Variants in DSTYK observed in about 807,000 individuals in gnomAD.
The protein encoded by DSTYK is dual serine/threonine and tyrosine protein kinase, also known as RIP-homologous kinase.
DSTYK carries 34 observed loss-of-function variants against 98.7 expected under a neutral mutation model. That is an observed-to-expected ratio of 0.34 (90% CI 0.26 to 0.46). DSTYK has a LOEUF of 0.46. Among genes scored for constraint, DSTYK ranks in the 20% least tolerant of loss-of-function variants. The pLI, the probability that DSTYK is intolerant of heterozygous loss-of-function variation, is 1.00. For synonymous variants in DSTYK, 462 were observed against 457.3 expected, an observed-to-expected ratio of 1.01 and a Z score of -0.13; for missense variants, 962 against 1,181.7, an observed-to-expected ratio of 0.81 and a Z score of 2.73.
chr1:205,209,893 CTAT>C lies in DSTYK; in HGVS notation c.265+1375_265+1377del, dbSNP rs372431377. Among the ~76,000 whole-genome samples, 242 of 150,108 alleles carry C rather than the reference CTAT, an allele frequency of 1.6e-3. 1 individual carries two copies. The highest frequency in any genetic ancestry group is 4.4e-3 in the African/African-American group (181 of 40,802). ...CCTTCCCCAGTGTCTTTTATTATTACTATTATTATTATTATTATTATTATTGAG... is the reference window on the plus strand; with the variant it reads ...CCTTCCCCAGTGTCTTTTATTATTACTATTATTATTATTATTATTATTGAG... On this transcript the variant is annotated intron_variant, in intron 1 of 12. Coordinates refer to ENST00000367162, the MANE Select transcript of DSTYK (RefSeq NM_015375.3).
At chr1:205,155,346 T>C (rs1657526737) in intron 10 of DSTYK, among the ~76,000 whole-genome samples, 1 of 151,960 alleles carries the variant, frequency 6.6e-6, no homozygotes, top group South Asian at 2.1e-4. Context: ...TTTGAAAAAT[T>C]TGCAGCCTGA....
At chr1:205,148,101 C>A in intron 12 of DSTYK, 104 bp downstream of exon 12, 1 of 1,407,316 alleles carries the variant, frequency 7.1e-7, no homozygotes, top group Non-Finnish European at 9.8e-7. Context: ...TACGGCCCTG[C>A]TATGGAGTGG....
At chr1:205,160,805 C>CA (rs1007159803) in intron 7 of DSTYK, among the ~76,000 whole-genome samples, 5 of 150,558 alleles carry the variant, frequency 3.3e-5, no homozygotes, top group African/African-American at 1.2e-4. Flanking sequence ...TTTTTGGAGA[C>CA]AGAGTCTTGC....
intron 2 of DSTYK, among the ~76,000 whole-genome samples, chr1:205,179,234 C>A (rs1248716998): frequency 6.6e-6 from 1 of 152,044 alleles, no homozygotes; most frequent in East Asian, 1.9e-4. Flanking sequence ...CATGTAGCTA[C>A]AAAGACAATG....
At chr1:205,153,577 A>G (rs1657463104) in intron 10 of DSTYK, among the ~76,000 whole-genome samples, 1 of 152,258 alleles carries the variant, frequency 6.6e-6, no homozygotes, top group Admixed American at 6.5e-5. Context: ...TATAGATTAC[A>G]TATTAAATAA....
chr1:205,192,764 A>T (rs1026890222), intron 1 of DSTYK, among the ~76,000 whole-genome samples: 3 of 152,140 alleles, frequency 2.0e-5, no homozygotes, highest in Non-Finnish European at 4.4e-5. Context: ...CGGGAGGCTG[A>T]GGCAGGAGAA....
At chr1:205,163,211 ATTTTTTTATTTT>A (rs1446306590) in intron 4 of DSTYK, among the ~76,000 whole-genome samples, 2 of 106,070 alleles carry the variant, frequency 1.9e-5, no homozygotes, top group Admixed American at 1.0e-4. Context: ...TCATCAACTT[ATTTTTTTATTTT>A]TTTTTTTATT....
At position 205,160,263 on chromosome 1, in the gene DSTYK, A is replaced by C; in HGVS notation, c.1956T>G (p.Pro652=). ...SLQDVLLHRK[P]KLGQELGRGQ... Reference sequence around the variant, plus strand: ...CCCGGCCCAGTTCCTGTCCCAGTTTAGGTTTACCTATAAGGTACAGAGACA... The same window carrying C: ...CCCGGCCCAGTTCCTGTCCCAGTTTCGGTTTACCTATAAGGTACAGAGACA... The change falls in exon 8 of 13, where the codon CCT becomes CCG. Residue 652 remains proline (P), a synonymous_variant. Transcript: ENST00000367162. 1.2e-6 allele frequency: 2 copies of C among 1,613,860 alleles called. No homozygotes were observed. Among genetic ancestry groups the C allele is most frequent in the Non-Finnish European group, 8.5e-7 (1 of 1,179,954 alleles).
Position 205,169,597 on chromosome 1 carries a change from T to A in DSTYK, c.890A>T (p.Glu297Val). 1.2e-6 allele frequency: 2 copies of A among 1,614,194 alleles called. No homozygotes were observed. The highest frequency in any genetic ancestry group is 1.7e-6 in the Non-Finnish European group (2 of 1,180,016). ...GCGATAAAGCGGTGATCTTTCGCTC[T>A]CCATTCTCCTGGTTGAGGAGTCTAT... ...EIIDSSTRRM[E>V]SERSPLYRQL... Residue 297 changes from glutamate to valine, a missense_variant, in exon 3 of 13, where the codon GAG (glutamate) becomes GTG (valine). Glu to Val is a moderately radical substitution (Grantham distance 121). Around this residue, in one of 4 missense-constraint regions of DSTYK, gnomAD observed 660 missense variants for 855.0 expected, o/e 0.77. Transcript: ENST00000367162. The surrounding 1 kb of genome is among the most constrained non-coding windows in gnomAD (Gnocchi z 4.0).
rs1480477843 is a variant in DSTYK at position 205,142,999 on chromosome 1, C to G, written c.*4559G>C. 1.3e-5 allele frequency: 2 copies of G among 152,086 alleles called. No homozygotes were observed. Among genetic ancestry groups the G allele is most frequent in the African/African-American group, 4.8e-5 (2 of 41,414 alleles). The allele number at this position is 152,086 out of a possible 1,614,324, so 9.4% of individuals were successfully genotyped here. On this transcript the variant is annotated 3_prime_UTR_variant, in exon 13 of 13. Transcript: ENST00000367162. ...AAAACAGATGAAGTTAAAAATGAAACCCTTTTAGGAACAGTAGTGCTACTG... is the reference window on the plus strand; with the variant it reads ...AAAACAGATGAAGTTAAAAATGAAAGCCTTTTAGGAACAGTAGTGCTACTG...
At position 205,161,423 on chromosome 1, in the gene DSTYK, G is replaced by A. The variant is rs181306135; in HGVS notation, c.1819-36C>T. ...AACAGAAAAAGTACATATGACTTAA[G>A]TCCCTAGCTTCAGCTTCCTCACCTG... On this transcript the variant is annotated intron_variant, in intron 6 of 12. Transcript: ENST00000367162. 502 of 1,610,018 alleles carry A rather than the reference G, an allele frequency of 3.1e-4. 7 individuals carry two copies. In the African/African-American group the frequency reaches 6.4e-3, roughly 21 times the overall value.
rs1362883177 is a variant in DSTYK, at chr1:205,146,527, C to T, written c.*1031G>A. The T allele has an allele frequency of 1.3e-5, 2 of 151,764 alleles. No individual in the cohort carries two copies. Among genetic ancestry groups the T allele is most frequent in the South Asian group, 2.1e-4 (1 of 4,804 alleles). 9.4% of individuals were successfully genotyped at this position (151,764 alleles called of 1,614,324 possible). ...GTCTATATAGATAGAGATATAGACA[C>T]ACACACATATATACATATACACACA... On this transcript the variant is annotated 3_prime_UTR_variant, in exon 13 of 13. Coordinates refer to ENST00000367162, the MANE Select transcript of DSTYK (RefSeq NM_015375.3).
chr1:205,189,826 C>A (rs1658659257), intron 1 of DSTYK, among the ~76,000 whole-genome samples: 1 of 152,232 alleles, frequency 6.6e-6, no homozygotes, highest in Non-Finnish European at 1.5e-5. Flanking sequence ...AGCAAATCTA[C>A]TCTCCTTGGA....
chr1:205,200,709 T>C (rs1469288106), intron 1 of DSTYK, among the ~76,000 whole-genome samples: 1 of 152,076 alleles, frequency 6.6e-6, no homozygotes, highest in Admixed American at 6.6e-5. Context: ...TAGTACAGAG[T>C]CAGGCATTAA....
chr1:205,163,232 T>A (rs12732921), intron 4 of DSTYK, among the ~76,000 whole-genome samples: 1 of 148,712 alleles, frequency 6.7e-6, no homozygotes. Flanking sequence ...TTTTTTTTTA[T>A]TTTTTAGACA....
chr1:205,150,792 C>T lies in DSTYK; in HGVS notation c.2355G>A (p.Leu785=), dbSNP rs754237416. 6.2e-7 allele frequency: 1 copy of T among 1,613,676 alleles called. No individual in the cohort carries two copies. The highest frequency in any genetic ancestry group is 1.1e-5 in the South Asian group (1 of 91,068). The change falls in exon 11 of 13, where the codon CTG becomes CTA. Residue 785 remains leucine (L), a splice_region_variant and synonymous_variant. Coordinates refer to ENST00000367162, the MANE Select transcript of DSTYK (RefSeq NM_015375.3). The surrounding 1 kb of genome is among the most constrained non-coding windows in gnomAD (Gnocchi z 4.1). ...TGATCTTGGCACGGTTCTGCTTATCCAGCTGCCAACAAAGCAGGGCAAGAG... is the reference window on the plus strand; with the variant it reads ...TGATCTTGGCACGGTTCTGCTTATCTAGCTGCCAACAAAGCAGGGCAAGAG... ...HRDIKLKNVL[L]DKQNRAKITD...
At chr1:205,175,762 G>A (rs570839545) in intron 2 of DSTYK, among the ~76,000 whole-genome samples, 1 of 152,320 alleles carries the variant, frequency 6.6e-6, no homozygotes, top group Admixed American at 6.5e-5. Flanking sequence ...AGGGAAGTCT[G>A]ACCTCAGACT....
rs370244638 is a variant in DSTYK, at chr1:205,169,630, G to A, written c.857C>T (p.Ser286Leu). The A allele has an allele frequency of 8.7e-6, 14 of 1,614,036 alleles. No individual in the cohort carries two copies. The highest frequency in any genetic ancestry group is 6.7e-5 in the Admixed American group (4 of 60,000). Residue 286 changes from serine (S) to leucine (L), a missense_variant, in exon 3 of 13, where the codon TCG (serine) becomes TTG (leucine). This residue lies in a region of DSTYK where 660 missense variants were observed against 855.0 expected (regional missense o/e 0.77). Transcript: ENST00000367162. The surrounding 1 kb of genome is among the most constrained non-coding windows in gnomAD (Gnocchi z 4.0). The part of the protein sequence containing the change: ...VFFFKVPKLG[S>L]EIIDSSTRRM... Reference sequence around the variant, plus strand: ...CCTGGTTGAGGAGTCTATTATCTCCGAGCCCAGTTTCGGCACTTTGAAAAA... The same window carrying A: ...CCTGGTTGAGGAGTCTATTATCTCCAAGCCCAGTTTCGGCACTTTGAAAAA...
chr1:205,200,702 T>C (rs1357364079), intron 1 of DSTYK, among the ~76,000 whole-genome samples: 1 of 152,216 alleles, frequency 6.6e-6, no homozygotes, highest in Non-Finnish European at 1.5e-5. Flanking sequence ...CTGTGCCTAG[T>C]ACAGAGTCAG....
Sources: allele counts gnomAD v4.1 joint callset (sites outside exome capture counted in the v4.1 genomes callset), GRCh38; gene constraint gnomAD v4.1.1; regional missense constraint gnomAD v4.1.1; non-coding constraint Gnocchi (gnomAD v3.1); transcripts MANE v1.5; gene names NCBI Gene and HGNC (gene_info 2026-07-23, HGNC 2026-07-21).